The following UNC13C variants were observed in gnomAD, a reference collection of about 807,000 sequenced individuals.
UNC13C encodes unc-13 homolog C, also known as protein unc-13 homolog C.
UNC13C carries 174 observed loss-of-function variants against 245.4 expected under a neutral mutation model. That is an observed-to-expected ratio of 0.71 (90% CI 0.63 to 0.80). The LOEUF (loss-of-function observed/expected upper bound fraction) is 0.80, where lower values mean the gene tolerates loss of function less well. Among genes scored for constraint, UNC13C ranks in the 30% least tolerant of loss-of-function variants. UNC13C has a pLI of 0.00. For synonymous variants in UNC13C, 992 were observed against 895.1 expected (o/e 1.11, Z -1.93); for missense variants, 2,829 against 2,602.9 (o/e 1.09, Z -1.89).
intron 4 of UNC13C, among the ~76,000 whole-genome samples, chr15:54,218,441 T>C (rs1056996211): frequency 1.3e-5 from 2 of 151,934 alleles, no homozygotes; most frequent in African/African-American, 4.8e-5. Context: ...TAGCATTTGC[T>C]ACTCAGTGAG....
At chr15:54,219,215 T>G (rs1259939923) in intron 4 of UNC13C, among the ~76,000 whole-genome samples, 2 of 151,894 alleles carry the variant, frequency 1.3e-5, no homozygotes, top group Non-Finnish European at 2.9e-5. Flanking sequence ...AAGGCTACAG[T>G]AACCAAAACA....
chr15:54,070,875 A>T (rs1427967797), intron 2 of UNC13C, among the ~76,000 whole-genome samples: 1 of 152,180 alleles, frequency 6.6e-6, no homozygotes, highest in East Asian at 1.9e-4. Context: ...AAAATTTCAA[A>T]CTATTAGTCC....
At chr15:54,038,114 A>ATTTTTTT in intron 2 of UNC13C, among the ~76,000 whole-genome samples, 4 of 24,332 alleles carry the variant, frequency 1.6e-4, no homozygotes, top group Non-Finnish European at 2.8e-4. Context: ...ATATATATAT[A>ATTTTTTT]TATATATATA....
chr15:54,090,429 T>C (rs1899502692), intron 2 of UNC13C, among the ~76,000 whole-genome samples: 1 of 152,180 alleles, frequency 6.6e-6, no homozygotes, highest in Admixed American at 6.5e-5. Context: ...TGCTACTAAA[T>C]ACTTAGTATA....
At chr15:54,220,450 G>A (rs1356929258) in intron 4 of UNC13C, among the ~76,000 whole-genome samples, 2 of 131,520 alleles carry the variant, frequency 1.5e-5, no homozygotes, top group South Asian at 2.7e-4. Context: ...CTGTTGTGGG[G>A]TAGGGGGAGG....
chr15:53,846,320 G>A, the UNC13C span, among the ~76,000 whole-genome samples: 2 of 152,120 alleles, frequency 1.3e-5, no homozygotes, highest in Admixed American at 1.3e-4. Flanking sequence ...GAATCTATGC[G>A]ATTGGTAATA....
At chr15:54,501,553 T>C (rs1894215615) in intron 22 of UNC13C, among the ~76,000 whole-genome samples, 1 of 152,100 alleles carries the variant, frequency 6.6e-6, no homozygotes, top group African/African-American at 2.4e-5. Flanking sequence ...TCCCAAGAGT[T>C]TCAAGGGAAA....
At chr15:54,126,867 A>T (rs910627733) in intron 2 of UNC13C, among the ~76,000 whole-genome samples, 26 of 152,272 alleles carry the variant, frequency 1.7e-4, no homozygotes, top group African/African-American at 6.3e-4. Context: ...TTACAAGAAA[A>T]AAACAACCCC....
chr15:54,436,491 G>T (rs1441331396), intron 19 of UNC13C, among the ~76,000 whole-genome samples: 1 of 151,772 alleles, frequency 6.6e-6, no homozygotes, highest in Non-Finnish European at 1.5e-5. Flanking sequence ...CCATAAAAAA[G>T]GATGAGTTCA....
At chr15:53,975,249 T>C (rs1205768757), upstream of UNC13C, among the ~76,000 whole-genome samples, 3 of 152,362 alleles carry the variant, frequency 2.0e-5, no homozygotes, top group East Asian at 3.9e-4. Context: ...TAGGCACATC[T>C]TTCCAAATTG....
intron 19 of UNC13C, among the ~76,000 whole-genome samples, chr15:54,460,284 C>T (rs1216663876): frequency 2.0e-5 from 3 of 152,202 alleles, no homozygotes; most frequent in Non-Finnish European, 4.4e-5. Context: ...GCACCTGCTC[C>T]AGTGGAGGTG....
At chr15:54,620,032 C>T (rs901322411) in intron 30 of UNC13C, among the ~76,000 whole-genome samples, 3 of 152,116 alleles carry the variant, frequency 2.0e-5, no homozygotes, top group African/African-American at 7.2e-5. Flanking sequence ...AATTTATGTT[C>T]CTCATTGCAC....
chr15:54,012,322 A>T (rs1165665717), intron 1 of UNC13C, among the ~76,000 whole-genome samples: 1 of 152,180 alleles, frequency 6.6e-6, no homozygotes, highest in African/African-American at 2.4e-5. Context: ...TAGAGTAGAA[A>T]TGACTTTATG....
At chr15:54,320,985 C>T in intron 13 of UNC13C, 1 of 419,878 alleles carries the variant, frequency 2.4e-6, no homozygotes, top group East Asian at 6.5e-5. Context: ...ATATCCACTA[C>T]CACCACAGCT....
rs2037542878 is a variant in UNC13C at position 54,300,260 on chromosome 15, C to A, written c.4155C>A (p.Ile1385=). The A allele has an allele frequency of 1.3e-6, 2 of 1,598,520 alleles. No homozygotes were observed. Among genetic ancestry groups the A allele is most frequent in the African/African-American group, 1.3e-5 (1 of 74,670 alleles). ...TEVKSNGGVK[I]PEVKGDEAWK... Reference sequence around the variant, plus strand: ...TGAAATCTAATGGTGGAGTGAAAATCCCAGAAGTCAAAGGGGATGAAGCCT... The same window carrying A: ...TGAAATCTAATGGTGGAGTGAAAATACCAGAAGTCAAAGGGGATGAAGCCT... The change falls in exon 13 of 33, where the codon ATC becomes ATA. Residue 1385 remains isoleucine, a synonymous_variant. Transcript: ENST00000260323.
intron 4 of UNC13C, among the ~76,000 whole-genome samples, chr15:54,175,357 T>G (rs969856814): frequency 6.6e-6 from 1 of 152,062 alleles, no homozygotes; most frequent in African/African-American, 2.4e-5. Flanking sequence ...AGCCATGGTG[T>G]CCAATCTGTC....
intron 13 of UNC13C, among the ~76,000 whole-genome samples, chr15:54,310,740 A>ATATATCTATATC (rs57312410): frequency 0.011 from 1,248 of 117,494 alleles, 15 homozygotes; most frequent in African/African-American, 0.026. Context: ...GCCTCATTTT[A>ATATATCTATATC]TATATCTATA....
intron 26 of UNC13C, among the ~76,000 whole-genome samples, chr15:54,537,643 C>G (rs1036303043): frequency 2.0e-5 from 3 of 151,926 alleles, no homozygotes; most frequent in African/African-American, 4.8e-5. Context: ...GACACATAGA[C>G]CAATGAAACA....
At chr15:54,569,712 A>T (rs1897668087) in intron 30 of UNC13C, among the ~76,000 whole-genome samples, 1 of 152,066 alleles carries the variant, frequency 6.6e-6, no homozygotes, top group Non-Finnish European at 1.5e-5. Flanking sequence ...GAGGATTCTT[A>T]ATTCTAATAA....
Sources: gnomAD v4.1 joint callset for allele counts (sites outside exome capture counted in the v4.1 genomes callset) on GRCh38, gnomAD v4.1.1 for gene constraint, MANE v1.5 for transcripts, NCBI Gene and HGNC (gene_info 2026-07-23, HGNC 2026-07-21) for gene names.